The following ANAPC10 variants were observed in gnomAD, a reference collection of about 807,000 sequenced individuals.
The protein encoded by ANAPC10 is anaphase-promoting complex subunit 10.
A neutral mutation model predicts 22.0 loss-of-function variants in ANAPC10; 12 were observed. That is an observed-to-expected ratio of 0.55 (90% CI 0.35 to 0.88). The LOEUF is 0.88. ANAPC10 is among the 40% of genes least tolerant of loss of function. The pLI, the probability that ANAPC10 is intolerant of heterozygous loss-of-function variation, is 0.01. For synonymous variants in ANAPC10, 65 were observed against 69.5 expected (o/e 0.94, Z 0.32); for missense variants, 188 against 220.9 (o/e 0.85, Z 0.94).
At chr4:145,053,695 T>C (rs1021214705) in intron 4 of ANAPC10, 1 of 609,328 alleles carries the variant, frequency 1.6e-6, no homozygotes, top group Admixed American at 2.9e-5. Context: ...TTGTCTTTTA[T>C]TTGCAGTTTC....
intron 4 of ANAPC10, chr4:144,999,126 A>T (rs1732105328): frequency 6.6e-6 from 1 of 152,240 alleles, no homozygotes; most frequent in Non-Finnish European, 1.5e-5. Context: ...AATAATTAAT[A>T]GCCTACCAAC....
At chr4:145,057,247 G>C (rs188217562) in intron 4 of ANAPC10, among the ~76,000 whole-genome samples, 3 of 152,096 alleles carry the variant, frequency 2.0e-5, no homozygotes. Flanking sequence ...TTACTCCAAA[G>C]AGTGCTTAAA....
chr4:145,039,251 T>C (rs904926976), intron 4 of ANAPC10, among the ~76,000 whole-genome samples: 2 of 152,230 alleles, frequency 1.3e-5, no homozygotes, highest in Non-Finnish European at 2.9e-5. Flanking sequence ...CAAACTAGAA[T>C]TCCACAGCTA....
At chr4:145,033,767 A>T (rs1314905744) in intron 4 of ANAPC10, among the ~76,000 whole-genome samples, 1 of 152,202 alleles carries the variant, frequency 6.6e-6, no homozygotes, top group Non-Finnish European at 1.5e-5. Flanking sequence ...CGGGTAGTAG[A>T]AGAAGGCAGT....
chr4:145,065,309 G>T (rs1176152273), intron 3 of ANAPC10, among the ~76,000 whole-genome samples: 1 of 151,738 alleles, frequency 6.6e-6, no homozygotes, highest in Non-Finnish European at 1.5e-5. Flanking sequence ...AATGCAAGTG[G>T]CCAACAAAAC....
intron 3 of ANAPC10, among the ~76,000 whole-genome samples, chr4:145,077,043 C>T (rs1423934744): frequency 6.6e-6 from 1 of 151,914 alleles, no homozygotes; most frequent in African/African-American, 2.4e-5. Context: ...ACTAAAAATA[C>T]AAAAAATTAG....
At position 145,035,033 on chromosome 4, in the gene ANAPC10, AACTC is replaced by A. The variant is rs1365453257; in HGVS notation, c.327+29535_327+29538del. ...ACCTGTGGCGACTTTGTAATGTGTC[AACTC>A]AAGCTAGTCTAAAGTACATTTCTCA... On this transcript the variant is annotated intron_variant, in intron 4 of 4. Transcript: ENST00000507656. 2.0e-5 allele frequency: 3 copies of A among 152,452 alleles called. No individual in the cohort carries two copies. The East Asian group carries it at 5.8e-4, about 29-fold the overall frequency. The allele number at this position is 152,452 out of a possible 1,614,324, so 9.4% of individuals were successfully genotyped here.
Position 145,081,643 on chromosome 4 carries a change from G to A in ANAPC10, c.206+17C>T. 1 of 1,560,638 alleles carries A rather than the reference G, an allele frequency of 6.4e-7. No homozygotes were observed. Among genetic ancestry groups the A allele is most frequent in the Non-Finnish European group, 8.8e-7 (1 of 1,139,900 alleles). On this transcript the variant is annotated intron_variant, in intron 3 of 4. Coordinates refer to ENST00000507656, the MANE Select transcript of ANAPC10 (RefSeq NM_001256706.2). ...ATAACCTACAGTAGATGAAAAATTT[G>A]AAAATGTATTAATTACCTGAATTGG...
In ANAPC10 at chr4:145,034,523, T is replaced by TTTTATATATA. The variant is rs1553968686; in HGVS notation, c.327+30048_327+30049insTATATATAAA. On this transcript the variant is annotated intron_variant, in intron 4 of 4. Coordinates refer to ENST00000507656, the MANE Select transcript of ANAPC10 (RefSeq NM_001256706.2). Reference sequence around the variant, plus strand: ...AAGTTAACACTTAACAAACTCTCCTTTATATATATATATATATATATGTGT... The same window carrying TTTTATATATA: ...AAGTTAACACTTAACAAACTCTCCTTTTTATATATATATATATATATATATATATATGTGT... 7.6e-5 allele frequency among the ~76,000 whole-genome samples: 7 copies of TTTTATATATA among 91,864 alleles called. No individual in the cohort carries two copies. The South Asian group carries it at 2.9e-3, about 39-fold the overall frequency. The allele number at this position is 91,864 out of a possible 152,430, so 60.3% of individuals were successfully genotyped here.
chr4:145,091,738 G>T (rs1158321159), intron 2 of ANAPC10, among the ~76,000 whole-genome samples: 1 of 152,076 alleles, frequency 6.6e-6, no homozygotes, highest in Non-Finnish European at 1.5e-5. Flanking sequence ...GAGTCAAATG[G>T]TATTTCTGGT....
intron 3 of ANAPC10, among the ~76,000 whole-genome samples, chr4:145,081,218 G>T (rs1449525111): frequency 1.4e-5 from 2 of 147,290 alleles, no homozygotes; most frequent in Admixed American, 6.8e-5. Flanking sequence ...GTCCTTAAAG[G>T]TTCTAAGTAA....
chr4:145,056,488 A>G (rs879150538), intron 4 of ANAPC10, among the ~76,000 whole-genome samples: 1 of 152,066 alleles, frequency 6.6e-6, no homozygotes, highest in East Asian at 1.9e-4. Context: ...TTCCTTAAAA[A>G]ACTCGCTTTC....
rs146646213 is a variant in ANAPC10, at chr4:145,046,754, A to G, written c.327+17818T>C. Among the ~76,000 whole-genome samples, 248 of 152,244 alleles carry G rather than the reference A, an allele frequency of 1.6e-3. 1 individual carries two copies. Among genetic ancestry groups the G allele is most frequent in the African/African-American group, 5.6e-3 (231 of 41,572 alleles). ...GTTGTTCTCTCTGTCCAGTTGCAAC[A>G]GAGAAAACACTGATATCGAAATGCC... is the stretch of plus-strand genomic sequence containing the variant. On this transcript the variant is annotated intron_variant, in intron 4 of 4. Coordinates refer to ENST00000507656, the MANE Select transcript of ANAPC10 (RefSeq NM_001256706.2).
intron 4 of ANAPC10, among the ~76,000 whole-genome samples, chr4:145,021,144 A>G (rs1735911005): frequency 6.6e-6 from 1 of 152,162 alleles, no homozygotes; most frequent in South Asian, 2.1e-4. Flanking sequence ...TCAAAATACC[A>G]TCATCATTCT....
intron 3 of ANAPC10, among the ~76,000 whole-genome samples, chr4:145,075,276 C>T (rs1008005877): frequency 3.9e-5 from 6 of 152,200 alleles, no homozygotes; most frequent in Admixed American, 2.6e-4. Context: ...CTTGAGTTTA[C>T]ACTCTTCAAA....
intron 4 of ANAPC10, among the ~76,000 whole-genome samples, chr4:144,996,172 A>G (rs956976889): frequency 1.3e-5 from 2 of 152,266 alleles, no homozygotes; most frequent in Non-Finnish European, 2.9e-5. Flanking sequence ...AATATGAGAG[A>G]TATGGAGATA....
At chr4:145,087,912 G>T (rs1369744034) in intron 2 of ANAPC10, among the ~76,000 whole-genome samples, 1 of 152,090 alleles carries the variant, frequency 6.6e-6, no homozygotes, top group East Asian at 1.9e-4. Flanking sequence ...GCTGAGTGTG[G>T]TGGTGCGCAC....
chr4:145,082,493 GCT>G (rs1746220841), intron 2 of ANAPC10, among the ~76,000 whole-genome samples: 1 of 152,290 alleles, frequency 6.6e-6, no homozygotes, highest in Non-Finnish European at 1.5e-5. Context: ...AGTTTCTTGT[GCT>G]TTTTGCAAGC....
chr4:145,091,537 G>C (rs1390544942), intron 2 of ANAPC10, among the ~76,000 whole-genome samples: 21 of 151,918 alleles, frequency 1.4e-4, no homozygotes, highest in Admixed American at 1.4e-3. Flanking sequence ...GGGGGGAGGG[G>C]GAAATCACCG....
Sources: allele counts gnomAD v4.1 joint callset (sites outside exome capture counted in the v4.1 genomes callset), GRCh38; gene constraint gnomAD v4.1.1; transcripts MANE v1.5; gene names NCBI Gene and HGNC (gene_info 2026-07-23, HGNC 2026-07-21).